SPTB: variants seen among roughly 807,000 people sequenced by gnomAD.
SPTB encodes the protein spectrin beta chain, erythrocytic.
SPTB carries 45 observed loss-of-function variants against 256.2 expected under a neutral mutation model. The observed-to-expected ratio is 0.18, with a 90% CI of 0.14 to 0.23. SPTB has a LOEUF of 0.23. Ranked by LOEUF, SPTB falls within the 10% of genes least tolerant of loss-of-function variation. The pLI is 1.00. For missense variants in SPTB, 2,715 were observed against 3,040.4 expected, an observed-to-expected ratio of 0.89 and a Z score of 2.52; for synonymous variants, 1,231 against 1,243.1, an observed-to-expected ratio of 0.99 and a Z score of 0.21.
intron 3 of SPTB, among the ~76,000 whole-genome samples, chr14:64,804,080 T>C (rs369964544): frequency 7.2e-5 from 11 of 152,334 alleles, no homozygotes; most frequent in African/African-American, 2.4e-4. Flanking sequence ...ATATGGTTAA[T>C]TGATCCCTTA....
chr14:64,865,650 T>C (rs749000483), intron 1 of SPTB, among the ~76,000 whole-genome samples: 1 of 152,182 alleles, frequency 6.6e-6, no homozygotes, highest in Non-Finnish European at 1.5e-5. Context: ...CCAGCGACCA[T>C]GGTAAGAAGG....
At chr14:64,791,051 A>G (rs1184079291) in intron 15 of SPTB, among the ~76,000 whole-genome samples, 1 of 152,188 alleles carries the variant, frequency 6.6e-6, no homozygotes, top group Non-Finnish European at 1.5e-5. Flanking sequence ...CTGCCCAAGA[A>G]TGTCCAGGGA....
intron 33 of SPTB, among the ~76,000 whole-genome samples, chr14:64,752,618 A>G (rs549743222): frequency 6.6e-6 from 1 of 152,240 alleles, no homozygotes; most frequent in Non-Finnish European, 1.5e-5. Flanking sequence ...CAGTCCTAAT[A>G]TAATGCCTGG....
At chr14:64,848,260 T>C (rs1318725621) in intron 1 of SPTB, among the ~76,000 whole-genome samples, 1 of 152,210 alleles carries the variant, frequency 6.6e-6, no homozygotes, top group Non-Finnish European at 1.5e-5. Context: ...GGTGTCATGA[T>C]CCAAATCTCT....
At chr14:64,755,917 G>A (rs2082010832) in intron 32 of SPTB, 1 of 152,124 alleles carries the variant, frequency 6.6e-6, no homozygotes, top group African/African-American at 2.4e-5. Flanking sequence ...GCAGTAATTA[G>A]CAACATCACC....
intron 20 of SPTB, among the ~76,000 whole-genome samples, chr14:64,781,834 C>A (rs757071164): frequency 6.6e-6 from 1 of 152,092 alleles, no homozygotes; most frequent in Non-Finnish European, 1.5e-5. Context: ...CAATGACAGA[C>A]TGGATAAAGA....
At chr14:64,859,758 T>C (rs1338824732) in intron 1 of SPTB, among the ~76,000 whole-genome samples, 1 of 152,116 alleles carries the variant, frequency 6.6e-6, no homozygotes, top group Non-Finnish European at 1.5e-5. Context: ...AGTATATGTA[T>C]AAAAGAATAT....
rs2082776730 is a variant in SPTB, at chr14:64,796,705, C to T, written c.1193G>A (p.Ser398Asn). 1 of 1,614,218 alleles carries T rather than the reference C, an allele frequency of 6.2e-7. No individual in the cohort carries two copies. The change falls in exon 11 of 36, where the codon AGC (serine) becomes AAC (asparagine). Residue 398 changes from serine (S) to asparagine (N), a missense_variant. Transcript: ENST00000644917. The surrounding 1 kb of genome is among the most constrained non-coding windows in gnomAD (Gnocchi z 4.1). ...CCGCCGATACTCAGCTTCCTCCAGG[C>T]TTTCCCAGGCCTGCACAAAGGATGG... ...LVSDINRAWE[S>N]LEEAEYRREL...
rs2083812589 is a variant in SPTB at position 64,853,101 on chromosome 14, A to G, written c.-52+26691T>C. On this transcript the variant is annotated intron_variant, in intron 1 of 35. Transcript: ENST00000644917. The surrounding 1 kb of genome is among the most constrained non-coding windows in gnomAD (Gnocchi z 4.3). ...CAATGGGACAAATAAGAGACAGGCA[A>G]AGAATGGGGAAAGAGCATGTGCAAA... 6.6e-6 allele frequency among the ~76,000 whole-genome samples: 1 copy of G among 152,164 alleles called. No homozygotes were observed. The highest frequency in any genetic ancestry group is 2.4e-5 in the African/African-American group (1 of 41,424).
At chr14:64,769,821 G>A (rs1028917339) in intron 27 of SPTB, 93 bp from the exon 28 acceptor site, 92 of 1,567,656 alleles carry the variant, frequency 5.9e-5, no homozygotes, top group African/African-American at 3.5e-4. Flanking sequence ...CCCCCTGCCT[G>A]TGGGAGTGTG....
intron 1 of SPTB, among the ~76,000 whole-genome samples, chr14:64,857,888 A>T (rs571607183): frequency 6.6e-6 from 1 of 152,194 alleles, no homozygotes; most frequent in Non-Finnish European, 1.5e-5. Flanking sequence ...AAAAGCAACA[A>T]ATTTGCAAAA....
chr14:64,787,555 C>G (rs980513032), intron 15 of SPTB, among the ~76,000 whole-genome samples: 1 of 152,170 alleles, frequency 6.6e-6, no homozygotes, highest in Admixed American at 6.5e-5. Context: ...GACATAGGGT[C>G]CCCAGCTGCC....
intron 1 of SPTB, among the ~76,000 whole-genome samples, chr14:64,862,912 T>C (rs924421716): frequency 1.3e-5 from 2 of 151,930 alleles, no homozygotes; most frequent in Admixed American, 1.3e-4. Context: ...ATATGGGATA[T>C]TGGCAAATTT....
chr14:64,811,469 A>C (rs1250778874), intron 2 of SPTB, among the ~76,000 whole-genome samples: 2 of 152,250 alleles, frequency 1.3e-5, no homozygotes, highest in East Asian at 3.8e-4. Context: ...TATCAAGTGT[A>C]TATTAGGTTA....
At chr14:64,765,880 T>C (rs761072441) in intron 32 of SPTB, among the ~76,000 whole-genome samples, 51 of 145,386 alleles carry the variant, frequency 3.5e-4, no homozygotes, top group Admixed American at 2.0e-3. Context: ...TGTGTGGAGG[T>C]TGCGGTGTGT....
Position 64,766,368 on chromosome 14 carries a change from G to C in SPTB, c.6345+358C>G, listed in dbSNP as rs1250992187. On this transcript the variant is annotated intron_variant, in intron 32 of 35. Coordinates refer to ENST00000644917, the MANE Select transcript of SPTB (RefSeq NM_001355436.2). ...GGAGTTGGAAAATGGGGAAAAGGACGGTGTACAGAAATGCACTAATCATCT... is the reference window on the plus strand; with the variant it reads ...GGAGTTGGAAAATGGGGAAAAGGACCGTGTACAGAAATGCACTAATCATCT... The C allele has an allele frequency of 1.7e-5, 22 of 1,279,408 alleles. No homozygotes were observed. In the South Asian group the frequency reaches 3.5e-4, roughly 20 times the overall value. 79.3% of individuals were successfully genotyped at this position (1,279,408 alleles called of 1,614,324 possible).
At position 64,805,088 on chromosome 14, in the gene SPTB, C is replaced by T. The variant is rs751809792; in HGVS notation, c.151G>A (p.Glu51Lys). 1 of 1,614,168 alleles carries T rather than the reference C, an allele frequency of 6.2e-7. No homozygotes were observed. Among genetic ancestry groups the T allele is most frequent in the Admixed American group, 1.7e-5 (1 of 60,026 alleles). ...ERSRIKALADEREVVQKKTFT... is the reference protein window; with the variant it reads ...ERSRIKALADKREVVQKKTFT... ...GTCTTTTTCTGAACAACTTCCCGCT[C>T]ATCTAGGTGGAGAGAAGAACCTTGG... Residue 51 changes from glutamate (E) to lysine (K), a missense_variant and splice_region_variant, in exon 3 of 36, where the codon GAG becomes AAG. Transcript: ENST00000644917.
intron 2 of SPTB, among the ~76,000 whole-genome samples, chr14:64,811,177 T>C (rs1051868768): frequency 3.3e-5 from 5 of 151,958 alleles, no homozygotes; most frequent in Admixed American, 2.6e-4. Flanking sequence ...CAAAAATATA[T>C]CTAACATACA....
Position 64,777,270 on chromosome 14 carries a change from T to C in SPTB, c.4564-1867A>G, listed in dbSNP as rs769085924. ...GAGAGGGCCAGAAGAGCTGGAATAC[T>C]GTGAAGGAGGGCAAAGTGAGAAGAG... On this transcript the variant is annotated intron_variant, in intron 22 of 35. Coordinates refer to ENST00000644917, the MANE Select transcript of SPTB (RefSeq NM_001355436.2). The surrounding 1 kb of genome is among the most constrained non-coding windows in gnomAD (Gnocchi z 4.5). 6.6e-6 allele frequency among the ~76,000 whole-genome samples: 1 copy of C among 152,144 alleles called. No homozygotes were observed. The highest frequency in any genetic ancestry group is 1.5e-5 in the Non-Finnish European group (1 of 68,026).
Sources: gnomAD v4.1 joint callset for allele counts (sites outside exome capture counted in the v4.1 genomes callset) on GRCh38, gnomAD v4.1.1 for gene constraint, Gnocchi (gnomAD v3.1) non-coding constraint, MANE v1.5 for transcripts, NCBI Gene and HGNC (gene_info 2026-07-23, HGNC 2026-07-21) for gene names.